Variants in VWF observed in about 807,000 individuals in gnomAD.
The protein encoded by VWF is Factor VIII related antigen.
VWF carries 176 observed loss-of-function variants against 308.6 expected under a neutral mutation model. The ratio of observed to expected loss-of-function variants is 0.57; its 90% CI spans 0.50 to 0.65. The LOEUF (loss-of-function observed/expected upper bound fraction) is 0.65. Ranked by LOEUF, VWF falls within the 30% of genes least tolerant of loss-of-function variation. The pLI is 0.00. For missense variants in VWF, 3,146 were observed against 3,648.2 expected (o/e 0.86, Z 3.55); for synonymous variants, 1,385 against 1,443.4 (o/e 0.96, Z 0.92).
intron 7 of VWF, among the ~76,000 whole-genome samples, chr12:6,074,638 A>G (rs562777792): frequency 6.6e-6 from 1 of 152,284 alleles, no homozygotes; most frequent in South Asian, 2.1e-4. Context: ...TGCAGTGTAA[A>G]GATGTGGCCG....
In VWF at chr12:5,976,204, G is replaced by T; in HGVS notation, c.7344C>A (p.Cys2448Ter). The T allele has an allele frequency of 1.2e-6, 2 of 1,614,104 alleles. No individual in the cohort carries two copies. Among genetic ancestry groups the T allele is most frequent in the Non-Finnish European group, 1.7e-6 (2 of 1,180,020 alleles). ...YPVGQFWEEG[C>*]DVCTCTDMED... ...CCATGTCGGTGCAGGTGCACACATC[G>T]CAGCCCTCCTCCCAGAACTGGCCCA... The change falls in exon 43 of 52, where the codon TGC (cysteine) becomes TGA (stop). Residue 2448 changes from cysteine (C) to a stop codon, truncating the protein, a stop_gained. Transcript: ENST00000261405. LOFTEE classifies it high-confidence loss of function.
Position 6,062,940 on chromosome 12 carries a change from G to C in VWF, c.1533+14C>G. ...TCGGGCCGCAGGGAGCCAGTACCCC[G>C]TGAGGGCACCTACCTTCACCAGCAG... is the stretch of plus-strand genomic sequence containing the variant. On this transcript the variant is annotated intron_variant, in intron 13 of 51. Coordinates refer to ENST00000261405, the MANE Select transcript of VWF (RefSeq NM_000552.5). 6.2e-7 allele frequency: 1 copy of C among 1,609,496 alleles called. No individual in the cohort carries two copies. The highest frequency in any genetic ancestry group is 8.5e-7 in the Non-Finnish European group (1 of 1,178,682).
At chr12:6,010,958 C>G (rs1943986722) in intron 34 of VWF, among the ~76,000 whole-genome samples, 1 of 151,978 alleles carries the variant, frequency 6.6e-6, no homozygotes, top group Non-Finnish European at 1.5e-5. Flanking sequence ...TCACCTAGAC[C>G]AAGAGGGAAA....
intron 30 of VWF, 114 bp downstream of exon 30, chr12:6,016,402 G>T: frequency 7.1e-7 from 1 of 1,413,468 alleles, no homozygotes; most frequent in Non-Finnish European, 9.8e-7. Flanking sequence ...CACTTTCCAG[G>T]AGAAGAAACT....
intron 18 of VWF, among the ~76,000 whole-genome samples, chr12:6,038,001 G>C (rs755650135): frequency 2.0e-5 from 3 of 152,204 alleles, no homozygotes; most frequent in Non-Finnish European, 4.4e-5. Context: ...TGGAAGCCCA[G>C]CTGATGGGTC....
At chr12:5,951,212 T>C (rs1392669038) in intron 50 of VWF, among the ~76,000 whole-genome samples, 2 of 152,184 alleles carry the variant, frequency 1.3e-5, no homozygotes, top group Non-Finnish European at 2.9e-5. Flanking sequence ...CTGTCTGATG[T>C]GCAGATTTGT....
In VWF at chr12:5,984,596, C is replaced by T. The variant is rs150285902; in HGVS notation, c.6976+449G>A. Among the ~76,000 whole-genome samples, 275 of 152,362 alleles carry T rather than the reference C, an allele frequency of 1.8e-3. 1 individual carries two copies. Among genetic ancestry groups the T allele is most frequent in the Middle Eastern group, 6.8e-3 (2 of 294 alleles). On this transcript the variant is annotated intron_variant, in intron 40 of 51. Coordinates refer to ENST00000261405, the MANE Select transcript of VWF (RefSeq NM_000552.5). ...CGTAATTCCATCAGCTCTGAATTCA[C>T]GGACTTATACCATTATTCAGCCCAC...
chr12:6,119,111 C>T (rs929047232), intron 3 of VWF, among the ~76,000 whole-genome samples: 2 of 152,230 alleles, frequency 1.3e-5, no homozygotes. Flanking sequence ...TGCACAAGAC[C>T]CTATACTAGT....
At position 6,105,267 on chromosome 12, in the gene VWF, C is replaced by T. The variant is rs928857299; in HGVS notation, c.532+5107G>A. Among the ~76,000 whole-genome samples, 3 of 152,216 alleles carry T rather than the reference C, an allele frequency of 2.0e-5. No individual in the cohort carries two copies. In the East Asian group the frequency reaches 5.8e-4, roughly 29 times the overall value. ...TTTTTGAGACAGAGTCTCGCTTTGT[C>T]ACCCAGGCTAGAGTGCAGTGGGGCG... On this transcript the variant is annotated intron_variant, in intron 5 of 51. Transcript: ENST00000261405.
At chr12:5,949,231 C>CTTCA in intron 51 of VWF, 28 bp from the exon 52 acceptor site, 1 of 1,609,938 alleles carries the variant, frequency 6.2e-7, no homozygotes, top group Non-Finnish European at 8.5e-7. Context: ...AAGATGGGAG[C>CTTCA]TTCACAATGG....
rs1591890962 is a variant in VWF at position 6,058,141 on chromosome 12, C to T, written c.1534-97G>A. Reference sequence around the variant, plus strand: ...TGGTTTTAATAAAAAAAAAAAAGTTCCCCGGGTGAAACATAAATATGAATG... The same window carrying T: ...TGGTTTTAATAAAAAAAAAAAAGTTTCCCGGGTGAAACATAAATATGAATG... On this transcript the variant is annotated intron_variant, in intron 13 of 51. Transcript: ENST00000261405. The surrounding 1 kb of genome is among the most constrained non-coding windows in gnomAD (Gnocchi z 4.9). 1.6e-6 allele frequency: 2 copies of T among 1,280,486 alleles called. No homozygotes were observed. The highest frequency in any genetic ancestry group is 1.1e-6 in the Non-Finnish European group (1 of 922,552). The allele number at this position is 1,280,486 out of a possible 1,614,324, so 79.3% of individuals were successfully genotyped here.
At chr12:5,999,905 A>T (rs1302059720) in intron 34 of VWF, among the ~76,000 whole-genome samples, 2 of 152,136 alleles carry the variant, frequency 1.3e-5, no homozygotes. Flanking sequence ...AGACTAAATT[A>T]TAAGTACCCA....
intron 9 of VWF, 59 bp downstream of exon 9, chr12:6,072,272 G>T: frequency 6.5e-7 from 1 of 1,536,274 alleles, no homozygotes; most frequent in Non-Finnish European, 9.0e-7. Context: ...TGCTGACCCA[G>T]CTTCCCTCCC....
intron 5 of VWF, among the ~76,000 whole-genome samples, chr12:6,096,846 G>T (rs1230751406): frequency 6.6e-6 from 1 of 152,186 alleles, no homozygotes; most frequent in African/African-American, 2.4e-5. Flanking sequence ...GCATAGCCAG[G>T]CCTGGAAGAG....
chr12:6,022,000 C>A lies in VWF; in HGVS notation c.3574G>T (p.Asp1192Tyr), dbSNP rs1168869975. The A allele has an allele frequency of 1.9e-6, 3 of 1,614,042 alleles. No homozygotes were observed. The change falls in exon 27 of 52, where the codon GAC (aspartate) becomes TAC (tyrosine). Residue 1192 changes from aspartate (D) to tyrosine (Y), a missense_variant. Physicochemically the swap from Asp to Tyr is radical, Grantham distance 160. Coordinates refer to ENST00000261405, the MANE Select transcript of VWF (RefSeq NM_000552.5). ...ILDELLQTCV[D>Y]PEDCPVCEVA... ...TCACACACTGGACAGTCTTCAGGGT[C>A]AACGCAGGTCTGCAAAAGCTCATCC...
intron 3 of VWF, among the ~76,000 whole-genome samples, chr12:6,112,306 C>T (rs1334151754): frequency 6.6e-6 from 1 of 152,140 alleles, no homozygotes; most frequent in East Asian, 1.9e-4. Context: ...TTTTTCACAG[C>T]GTGACCAAAG....
chr12:6,023,448 C>T (rs191054077), intron 25 of VWF, among the ~76,000 whole-genome samples, 183 bp downstream of exon 25: 75 of 152,318 alleles, frequency 4.9e-4, no homozygotes, highest in African/African-American at 1.6e-3. Flanking sequence ...CCACCTCACC[C>T]GTAATATAAA....
chr12:6,044,134 G>A (rs1052043382), intron 18 of VWF, among the ~76,000 whole-genome samples, 157 bp downstream of exon 18: 5 of 146,886 alleles, frequency 3.4e-5, no homozygotes, highest in African/African-American at 1.3e-4. Context: ...AGACAGAAGA[G>A]CCTCCCCTCC....
At chr12:6,035,569 G>C (rs1944326704) in intron 19 of VWF, among the ~76,000 whole-genome samples, 1 of 152,108 alleles carries the variant, frequency 6.6e-6, no homozygotes, top group African/African-American at 2.4e-5. Flanking sequence ...CAGGGTGAGG[G>C]GTTACGTGCA....
Sources: gnomAD v4.1 joint callset for allele counts (sites outside exome capture counted in the v4.1 genomes callset) on GRCh38, gnomAD v4.1.1 for gene constraint, Gnocchi (gnomAD v3.1) non-coding constraint, MANE v1.5 for transcripts, NCBI Gene and HGNC (gene_info 2026-07-23, HGNC 2026-07-21) for gene names.